The following ACADM variants were observed in gnomAD, a reference collection of about 807,000 sequenced individuals.
ACADM encodes the protein medium-chain specific acyl-CoA dehydrogenase, mitochondrial.
A neutral mutation model predicts 58.9 loss-of-function variants in ACADM; 49 were observed. That is an observed-to-expected ratio of 0.83 (90% CI 0.66 to 1.06). The LOEUF is 1.06. ACADM is among the 50% of genes least tolerant of loss of function. The pLI, the probability that ACADM is intolerant of heterozygous loss-of-function variation, is 0.00. For missense variants in ACADM, 496 were observed against 507.0 expected (o/e 0.98, Z 0.21); for synonymous variants, 160 against 157.7 (o/e 1.01, Z -0.11).
chr1:75,741,921 C>T (rs892709394), intron 7 of ACADM, among the ~76,000 whole-genome samples: 1 of 152,168 alleles, frequency 6.6e-6, no homozygotes, highest in Non-Finnish European at 1.5e-5. Flanking sequence ...AGGAAAAAAT[C>T]AGCAAATATT....
intron 7 of ACADM, chr1:75,743,880 G>C (rs146824927): frequency 7.0e-7 from 1 of 1,425,312 alleles, no homozygotes; most frequent in African/African-American, 1.4e-5. Flanking sequence ...CAATCACTGC[G>C]TTTACAACAG....
At chr1:75,725,641 A>G (rs1409009990) in intron 1 of ACADM, among the ~76,000 whole-genome samples, 7 of 152,214 alleles carry the variant, frequency 4.6e-5, no homozygotes, top group African/African-American at 1.7e-4. Flanking sequence ...TCTTTAACCC[A>G]TAAAACTGAC....
chr1:75,753,795 C>CTTTGTTTTTTTTTT, intron 10 of ACADM, among the ~76,000 whole-genome samples: 1 of 81,930 alleles, frequency 1.2e-5, no homozygotes, highest in Non-Finnish European at 2.2e-5. Flanking sequence ...CTGATAGCTT[C>CTTTGTTTTTTTTTT]TTTTTTTTTT....
chr1:75,744,547 G>C, intron 7 of ACADM: 3 of 1,493,864 alleles, frequency 2.0e-6, no homozygotes, highest in East Asian at 4.5e-5. Context: ...TTCTGCAAAC[G>C]CTGGGGTTTT....
chr1:75,726,252 AG>A (rs1176932003), intron 1 of ACADM, among the ~76,000 whole-genome samples: 1 of 152,014 alleles, frequency 6.6e-6, no homozygotes, highest in African/African-American at 2.4e-5. Context: ...TACTAAAAAT[AG>A]GAAAAATTAG....
intron 11 of ACADM, among the ~76,000 whole-genome samples, chr1:75,762,396 T>C (rs1648901317): frequency 6.6e-6 from 1 of 152,174 alleles, no homozygotes; most frequent in South Asian, 2.1e-4. Flanking sequence ...CATTAAACTT[T>C]AGTTTTCCCA....
rs1431569385 is a variant in ACADM, at chr1:75,724,723, T to C, written c.-65T>C. ...TGGGCGGGACCAGAGGAGTCCCGCG[T>C]TCGGGGAGTATGTCAAGGCCGTGAC... On this transcript the variant is annotated 5_prime_UTR_variant, in exon 1 of 12. Coordinates refer to ENST00000370841, the MANE Select transcript of ACADM (RefSeq NM_000016.6). The C allele has an allele frequency of 6.5e-7, 1 of 1,532,454 alleles. No homozygotes were observed. 94.9% of individuals were successfully genotyped at this position (1,532,454 alleles called of 1,614,324 possible). A position where few individuals can be genotyped will look rare whatever the true frequency, so the allele number is the denominator to read the frequency against.
chr1:75,748,102 A>C (rs953315053), intron 8 of ACADM, among the ~76,000 whole-genome samples: 1 of 152,190 alleles, frequency 6.6e-6, no homozygotes, highest in Non-Finnish European at 1.5e-5. Context: ...TAAACATGAG[A>C]TCAAGTTTTT....
chr1:75,743,686 A>G, intron 7 of ACADM: 1 of 1,471,134 alleles, frequency 6.8e-7, no homozygotes. Flanking sequence ...ACCACCATCC[A>G]TATCTTCAAT....
At chr1:75,725,978 A>G (rs950336475) in intron 1 of ACADM, among the ~76,000 whole-genome samples, 1 of 152,158 alleles carries the variant, frequency 6.6e-6, no homozygotes, top group African/African-American at 2.4e-5. Flanking sequence ...CCACCTCTCT[A>G]ATTAACTGGC....
At chr1:75,728,993 C>CA (rs1391983783) in intron 2 of ACADM, among the ~76,000 whole-genome samples, 1 of 152,044 alleles carries the variant, frequency 6.6e-6, no homozygotes, top group East Asian at 1.9e-4. Context: ...AAACTACACA[C>CA]AAAAAATTTG....
intron 11 of ACADM, among the ~76,000 whole-genome samples, chr1:75,761,838 A>G (rs1648878001): frequency 6.6e-6 from 1 of 152,228 alleles, no homozygotes; most frequent in African/African-American, 2.4e-5. Context: ...ATTCAGTAAA[A>G]GGAAATATAA....
At chr1:75,743,622 T>C in intron 7 of ACADM, 1 of 1,550,938 alleles carries the variant, frequency 6.4e-7, no homozygotes, top group African/African-American at 1.4e-5. Flanking sequence ...GGGGGGTTGA[T>C]AATGGGTGTT....
rs1647692643 is a variant in ACADM at position 75,743,353 on chromosome 1, G to A, written c.600-2453G>A. ...CACCAGGCTAACCTGGGACCCATGAGGGGACAGGGAGAAGACTGGTTTTCA... is the reference window on the plus strand; with the variant it reads ...CACCAGGCTAACCTGGGACCCATGAAGGGACAGGGAGAAGACTGGTTTTCA... On this transcript the variant is annotated intron_variant, in intron 7 of 11. Transcript: ENST00000370841. 1.9e-6 allele frequency: 3 copies of A among 1,553,528 alleles called. No homozygotes were observed. The South Asian group carries it at 3.6e-5, about 18-fold the overall frequency.
chr1:75,725,950 C>G (rs1354956268), intron 1 of ACADM, among the ~76,000 whole-genome samples: 24 of 152,194 alleles, frequency 1.6e-4, no homozygotes. Context: ...CGTGCTGTTT[C>G]TGTTTTCTAT....
chr1:75,749,654 CTT>C, intron 9 of ACADM, 95 bp downstream of exon 9: 1 of 1,055,382 alleles, frequency 9.5e-7, no homozygotes, highest in Non-Finnish European at 1.4e-6. Context: ...GTGTGTTTCT[CTT>C]TTTAATATCT....
chr1:75,737,259 T>C (rs2100379755), intron 6 of ACADM, among the ~76,000 whole-genome samples: 2 of 104,636 alleles, frequency 1.9e-5, no homozygotes, highest in African/African-American at 3.9e-5. Context: ...GTTGAGAGAC[T>C]GCCACCACAC....
chr1:75,761,698 T>G (rs941479952), intron 11 of ACADM: 5 of 286,976 alleles, frequency 1.7e-5, no homozygotes, highest in Non-Finnish European at 3.3e-5. Flanking sequence ...AAATTAATTA[T>G]TTTGATTTGA....
chr1:75,744,105 C>T, intron 7 of ACADM: 7 of 1,588,728 alleles, frequency 4.4e-6, no homozygotes, highest in Non-Finnish European at 6.1e-6. Context: ...TTCATTTTCT[C>T]CTGATGTTCT....
Sources: allele counts gnomAD v4.1 joint callset (sites outside exome capture counted in the v4.1 genomes callset), GRCh38; gene constraint gnomAD v4.1.1; transcripts MANE v1.5; gene names NCBI Gene and HGNC (gene_info 2026-07-23, HGNC 2026-07-21).